NOVA1: variants seen among roughly 807,000 people sequenced by gnomAD.
NOVA1 encodes the protein NOVA alternative splicing regulator 1.
Under a neutral mutation model 38.0 loss-of-function variants are expected in NOVA1, and 7 were observed. The ratio of observed to expected loss-of-function variants is 0.18; its 90% CI spans 0.10 to 0.35. The LOEUF (loss-of-function observed/expected upper bound fraction) is 0.35. Ranked by LOEUF, NOVA1 falls within the 10% of genes least tolerant of loss-of-function variation. The probability of loss-of-function intolerance (pLI) is 1.00; values close to 1 mark genes in which losing one functional copy is unlikely to be tolerated. For missense variants in NOVA1, 460 were observed against 616.0 expected (o/e 0.75, Z 2.68); for synonymous variants, 270 against 232.5 (o/e 1.16, Z -1.47).
chr14:26,506,054 G>A (rs1454078016), intron 2 of NOVA1, among the ~76,000 whole-genome samples: 1 of 152,030 alleles, frequency 6.6e-6, no homozygotes, highest in African/African-American at 2.4e-5. Flanking sequence ...TAAAACACTA[G>A]TATTACCAAA....
chr14:26,525,922 C>T (rs901212222), intron 2 of NOVA1, among the ~76,000 whole-genome samples: 1 of 152,060 alleles, frequency 6.6e-6, no homozygotes, highest in Non-Finnish European at 1.5e-5. Context: ...CATTCTTTTA[C>T]TTGAGATTCT....
intron 2 of NOVA1, among the ~76,000 whole-genome samples, chr14:26,591,340 T>C (rs1893831116): frequency 1.3e-5 from 2 of 151,628 alleles, no homozygotes; most frequent in African/African-American, 4.8e-5. Flanking sequence ...TCAGCAACTC[T>C]TTGATAACAC....
intron 2 of NOVA1, among the ~76,000 whole-genome samples, chr14:26,523,093 G>C (rs919487353): frequency 2.6e-5 from 4 of 152,146 alleles, no homozygotes; most frequent in Non-Finnish European, 4.4e-5. Context: ...AGCTCCTTCA[G>C]TAAAGTTTAT....
At chr14:26,470,359 G>C in intron 4 of NOVA1, 1 of 1,490,474 alleles carries the variant, frequency 6.7e-7, no homozygotes, top group Non-Finnish European at 9.2e-7. Flanking sequence ...GGAAAATACT[G>C]TTGGGGAGAA....
At chr14:26,533,060 A>T (rs532710511) in intron 2 of NOVA1, among the ~76,000 whole-genome samples, 1 of 152,284 alleles carries the variant, frequency 6.6e-6, no homozygotes, top group Non-Finnish European at 1.5e-5. Context: ...CATGTTAATG[A>T]TACAGTCTGT....
intron 2 of NOVA1, among the ~76,000 whole-genome samples, chr14:26,559,400 C>T (rs1034096927): frequency 1.5e-4 from 23 of 152,096 alleles, no homozygotes; most frequent in Non-Finnish European, 2.8e-4. Context: ...AATGGGATAA[C>T]TGTAAAGGTT....
In NOVA1 at chr14:26,448,770, A is replaced by G; in HGVS notation, c.713T>C (p.Ile238Thr). 1.2e-6 allele frequency: 2 copies of G among 1,614,174 alleles called. No homozygotes were observed. The highest frequency in any genetic ancestry group is 1.7e-6 in the Non-Finnish European group (2 of 1,180,038). Residue 238 changes from isoleucine to threonine, a missense_variant, in exon 5 of 5, where the codon ATC becomes ACC. Transcript: ENST00000539517. This position sits in a 1 kb window ranked among gnomAD's most constrained non-coding sequence, Gnocchi z 5.3. The stretch of plus-strand genomic sequence containing the variant: ...TTGTGGATCCTCTTGTATCTTCTGG[A>G]TGATAAGTTCAACAGCTTTTCGGTT... ...EQNRKAVELI[I>T]QKIQEDPQSG...
At chr14:26,596,886 T>G in intron 1 of NOVA1, 12 of 1,153,550 alleles carry the variant, frequency 1.0e-5, no homozygotes, top group Non-Finnish European at 1.2e-5. Context: ...CCAAGTGCCA[T>G]TTATTTATTT....
chr14:26,449,335 T>C (rs1193298044), intron 4 of NOVA1, among the ~76,000 whole-genome samples: 1 of 152,158 alleles, frequency 6.6e-6, no homozygotes, highest in African/African-American at 2.4e-5. Flanking sequence ...TCTTCACCTA[T>C]TGTAACTTTA....
intron 2 of NOVA1, among the ~76,000 whole-genome samples, chr14:26,563,693 C>T (rs1307515760): frequency 6.6e-6 from 1 of 151,914 alleles, no homozygotes; most frequent in Non-Finnish European, 1.5e-5. Flanking sequence ...TCTATGACTC[C>T]TTTGTTAGGA....
At chr14:26,564,994 A>G (rs1322547817) in intron 2 of NOVA1, among the ~76,000 whole-genome samples, 1 of 152,208 alleles carries the variant, frequency 6.6e-6, no homozygotes. Flanking sequence ...CTGGTTCATC[A>G]CCATGATGAG....
chr14:26,496,690 C>G (rs1886821525), intron 2 of NOVA1, among the ~76,000 whole-genome samples: 1 of 152,136 alleles, frequency 6.6e-6, no homozygotes, highest in Non-Finnish European at 1.5e-5. Flanking sequence ...AGGATGGGAT[C>G]CAGTTTCAGC....
chr14:26,507,592 A>G (rs1207767019), intron 2 of NOVA1, among the ~76,000 whole-genome samples: 1 of 152,130 alleles, frequency 6.6e-6, no homozygotes, highest in Non-Finnish European at 1.5e-5. Flanking sequence ...TTGGAAACAG[A>G]TATTTTCAAA....
intron 2 of NOVA1, among the ~76,000 whole-genome samples, chr14:26,587,318 A>AAAC (rs1893583129): frequency 6.7e-6 from 1 of 150,112 alleles, no homozygotes; most frequent in African/African-American, 2.4e-5. Context: ...TAAAAAAAAA[A>AAAC]AAAAACAAAA....
At chr14:26,500,471 A>G (rs1887168063) in intron 2 of NOVA1, among the ~76,000 whole-genome samples, 1 of 152,026 alleles carries the variant, frequency 6.6e-6, no homozygotes, top group South Asian at 2.1e-4. Context: ...ACTTTAAAAC[A>G]TATTTAAAAG....
intron 2 of NOVA1, among the ~76,000 whole-genome samples, chr14:26,493,146 T>C (rs962847523): frequency 6.6e-6 from 1 of 152,102 alleles, no homozygotes; most frequent in Non-Finnish European, 1.5e-5. Flanking sequence ...CAACATTAAT[T>C]ATTATAGAAT....
At chr14:26,497,280 C>T (rs1488243659) in intron 2 of NOVA1, among the ~76,000 whole-genome samples, 3 of 152,052 alleles carry the variant, frequency 2.0e-5, no homozygotes, top group Non-Finnish European at 4.4e-5. Flanking sequence ...CAAACCACTG[C>T]TCAATGAAAT....
rs373816079 is a variant in NOVA1 at position 26,543,404 on chromosome 14, A to G, written c.280+52006T>C. On this transcript the variant is annotated intron_variant, in intron 2 of 4. Transcript: ENST00000539517. ...ACAGGAGCTAGGCAATAAGAAGTTCATCAATAAGTAAGTCAGTGGCTGTCT... is the reference window on the plus strand; with the variant it reads ...ACAGGAGCTAGGCAATAAGAAGTTCGTCAATAAGTAAGTCAGTGGCTGTCT... Among the ~76,000 whole-genome samples, 3 of 152,126 alleles carry G rather than the reference A, an allele frequency of 2.0e-5. No individual in the cohort carries two copies. In the East Asian group the frequency reaches 5.8e-4, roughly 29 times the overall value.
intron 2 of NOVA1, among the ~76,000 whole-genome samples, chr14:26,572,650 C>T (rs755915182): frequency 4.0e-5 from 6 of 150,958 alleles, no homozygotes; most frequent in Non-Finnish European, 7.4e-5. Flanking sequence ...GGTCCCTCAA[C>T]CAGATTGAGG....
Sources: allele counts gnomAD v4.1 joint callset (sites outside exome capture counted in the v4.1 genomes callset), GRCh38; gene constraint gnomAD v4.1.1; non-coding constraint Gnocchi (gnomAD v3.1); transcripts MANE v1.5; gene names NCBI Gene and HGNC (gene_info 2026-07-23, HGNC 2026-07-21).